KMT2C: variants seen among roughly 807,000 people sequenced by gnomAD.
The protein encoded by KMT2C is histone-lysine N-methyltransferase 2C.
In KMT2C, 88 loss-of-function variants were observed where a neutral mutation model predicts 507.9. The ratio of observed to expected loss-of-function variants is 0.17; its 90% CI spans 0.15 to 0.21. The LOEUF (loss-of-function observed/expected upper bound fraction) is 0.21. Among genes scored for constraint, KMT2C ranks in the 10% least tolerant of loss-of-function variants. The probability of loss-of-function intolerance (pLI) is 1.00; values close to 1 mark genes in which losing one functional copy is unlikely to be tolerated. For synonymous variants in KMT2C, 2,049 were observed against 2,080.8 expected (o/e 0.98, Z 0.42); for missense variants, 4,954 against 5,957.8 (o/e 0.83, Z 5.55).
At chr7:152,250,741 C>A in intron 12 of KMT2C, 112 bp downstream of exon 12, 1 of 621,706 alleles carries the variant, frequency 1.6e-6, no homozygotes, top group Non-Finnish European at 2.9e-6. Flanking sequence ...CTAAAAAACT[C>A]TTCCTAAGTG....
At chr7:152,159,832 C>T (rs2092336895) in intron 43 of KMT2C, among the ~76,000 whole-genome samples, 1 of 152,198 alleles carries the variant, frequency 6.6e-6, no homozygotes, top group Non-Finnish European at 1.5e-5. Context: ...CAGTACTCTG[C>T]TATAGACGAT....
At chr7:152,188,299 A>C (rs1481566908) in intron 31 of KMT2C, among the ~76,000 whole-genome samples, 1 of 152,144 alleles carries the variant, frequency 6.6e-6, no homozygotes, top group Non-Finnish European at 1.5e-5. Context: ...TGGAGTCCAA[A>C]AGCCCAGGGT....
intron 1 of KMT2C, among the ~76,000 whole-genome samples, chr7:152,424,300 C>A (rs942927053): frequency 1.3e-5 from 2 of 151,922 alleles, no homozygotes; most frequent in African/African-American, 4.8e-5. Flanking sequence ...TTGTTCTTAG[C>A]GTCCCTTAAT....
chr7:152,265,232 G>A (rs532766628), intron 7 of KMT2C, 23 bp from the exon 8 acceptor site: 2 of 1,611,226 alleles, frequency 1.2e-6, no homozygotes, highest in Non-Finnish European at 1.7e-6. Flanking sequence ...GTGAAACAAT[G>A]AAATTGTTGT....
At chr7:152,172,445 C>G (rs1378489494) in intron 39 of KMT2C, among the ~76,000 whole-genome samples, 1 of 152,190 alleles carries the variant, frequency 6.6e-6, no homozygotes, top group Non-Finnish European at 1.5e-5. Context: ...CCTGTAATTG[C>G]AGCACTTTGG....
At chr7:152,253,974 A>G (rs1334838340) in intron 9 of KMT2C, among the ~76,000 whole-genome samples, 1 of 152,154 alleles carries the variant, frequency 6.6e-6, no homozygotes, top group Admixed American at 6.5e-5. Flanking sequence ...CAAATTTTGA[A>G]TCTAAAATAT....
rs1183345172 is a variant in KMT2C at position 152,249,673 on chromosome 7, CAAAAA to C, written c.1813+198_1813+202del. ...ATTTTTAATCATGACCTCCCCCCTC[CAAAAA>C]AAAAAAAAAAAAAAAAAAAAACCTT... is the stretch of plus-strand genomic sequence containing the variant. On this transcript the variant is annotated intron_variant, in intron 13 of 58. Transcript: ENST00000262189. Among the ~76,000 whole-genome samples, 52 of 34,516 alleles carry C rather than the reference CAAAAA, an allele frequency of 1.5e-3. No homozygotes were observed. In the East Asian group the frequency reaches 0.035, roughly 23 times the overall value. The allele number at this position is 34,516 out of a possible 152,430, so 22.6% of individuals were successfully genotyped here. A position where few individuals can be genotyped will look rare whatever the true frequency, so the allele number is the denominator to read the frequency against.
At chr7:152,431,595 G>A (rs1412329818) in intron 1 of KMT2C, among the ~76,000 whole-genome samples, 3 of 137,968 alleles carry the variant, frequency 2.2e-5, no homozygotes, top group Non-Finnish European at 4.6e-5. Context: ...GGCAGAGCAA[G>A]ACTCTGTCAA....
intron 7 of KMT2C, among the ~76,000 whole-genome samples, chr7:152,272,677 C>T (rs1457037219): frequency 6.6e-6 from 1 of 152,052 alleles, no homozygotes; most frequent in Non-Finnish European, 1.5e-5. Flanking sequence ...GTTTGCCTTA[C>T]CTATAATTTG....
chr7:152,229,689 A>C (rs1197193179), intron 18 of KMT2C, among the ~76,000 whole-genome samples: 1 of 152,196 alleles, frequency 6.6e-6, no homozygotes, highest in Non-Finnish European at 1.5e-5. Context: ...AATTAAATGC[A>C]TATATTTTTA....
chr7:152,378,430 A>G (rs2097345690), intron 1 of KMT2C, among the ~76,000 whole-genome samples: 1 of 152,286 alleles, frequency 6.6e-6, no homozygotes, highest in South Asian at 2.1e-4. Flanking sequence ...TCAGATGATC[A>G]GTAGCATTTT....
intron 43 of KMT2C, among the ~76,000 whole-genome samples, chr7:152,160,760 C>T (rs2092405553): frequency 6.6e-6 from 1 of 150,956 alleles, no homozygotes; most frequent in Non-Finnish European, 1.5e-5. Context: ...CGTGGTTGTT[C>T]CCCATGCCAT....
At chr7:152,171,012 T>G (rs2092938154) in intron 40 of KMT2C, among the ~76,000 whole-genome samples, 1 of 152,216 alleles carries the variant, frequency 6.6e-6, no homozygotes, top group African/African-American at 2.4e-5. Context: ...AACCTTAATT[T>G]GTCTTTTGTT....
chr7:152,176,496 C>T lies in KMT2C; in HGVS notation c.8957G>A (p.Gly2986Asp), dbSNP rs755062207. 1.1e-5 allele frequency: 17 copies of T among 1,613,984 alleles called. No homozygotes were observed. Among genetic ancestry groups the T allele is most frequent in the Non-Finnish European group, 1.4e-5 (17 of 1,180,028 alleles). ...VSRVNHVFSQ[G>D]VQVNPGLIPG... The stretch of plus-strand genomic sequence containing the variant: ...AATGAGCCCTGGGTTTACCTGCACA[C>T]CCTGAGAAAAAACATGGTTTACCCT... Residue 2986 changes from glycine to aspartate, a missense_variant, in exon 38 of 59, where the codon GGT (glycine) becomes GAT (aspartate). Transcript: ENST00000262189.
intron 6 of KMT2C, among the ~76,000 whole-genome samples, chr7:152,276,185 A>C (rs1588822976): frequency 6.6e-6 from 1 of 152,350 alleles, no homozygotes; most frequent in South Asian, 2.1e-4. Context: ...TTACAATTAA[A>C]TAGCTAATGA....
chr7:152,172,681 G>A (rs987610394), intron 39 of KMT2C, among the ~76,000 whole-genome samples: 26 of 152,206 alleles, frequency 1.7e-4, no homozygotes, highest in African/African-American at 6.0e-4. Context: ...GCGAAACTCC[G>A]TCTCAGAAAC....
At chr7:152,200,880 A>G (rs1027329875) in intron 26 of KMT2C, among the ~76,000 whole-genome samples, 2 of 152,210 alleles carry the variant, frequency 1.3e-5, no homozygotes, top group Non-Finnish European at 2.9e-5. Context: ...AGGCAATGAT[A>G]TATCTGATTT....
At chr7:152,220,355 G>C (rs2129145383) in intron 23 of KMT2C, 168 bp downstream of exon 23, 3 of 617,498 alleles carry the variant, frequency 4.9e-6, no homozygotes, top group East Asian at 5.5e-5. Context: ...ACCTGAAAAG[G>C]CAAGGTCTAA....
At position 152,152,942 on chromosome 7, in the gene KMT2C, CACTGCT is replaced by C; in HGVS notation, c.12283_12288del (p.Ser4095_Ser4096del). On this transcript the variant is annotated inframe_deletion, in exon 49 of 59. Transcript: ENST00000262189. Reference sequence around the variant, plus strand: ...AGAAGGTCGGAAAATGCAGCCACAACACTGCTAATGTTCTAAAACCAAATGCAAATG... The same window carrying C: ...AGAAGGTCGGAAAATGCAGCCACAACAATGTTCTAAAACCAAATGCAAATG... 1 of 1,614,168 alleles carries C rather than the reference CACTGCT, an allele frequency of 6.2e-7. No homozygotes were observed. The highest frequency in any genetic ancestry group is 8.5e-7 in the Non-Finnish European group (1 of 1,180,012).
Sources: gnomAD v4.1 joint callset for allele counts (sites outside exome capture counted in the v4.1 genomes callset) on GRCh38, gnomAD v4.1.1 for gene constraint, MANE v1.5 for transcripts, NCBI Gene and HGNC (gene_info 2026-07-23, HGNC 2026-07-21) for gene names.